MEGF11: variants seen among roughly 807,000 people sequenced by gnomAD.
The protein encoded by MEGF11 is multiple EGF like domains 11.
Under a neutral mutation model 146.6 loss-of-function variants are expected in MEGF11, and 126 were observed. The ratio of observed to expected loss-of-function variants is 0.86; its 90% CI spans 0.74 to 1.00. MEGF11 has a LOEUF of 1.00. MEGF11 is among the 50% of genes least tolerant of loss of function. The pLI, the probability that MEGF11 is intolerant of heterozygous loss-of-function variation, is 0.00. For synonymous variants in MEGF11, 532 were observed against 583.4 expected (o/e 0.91, Z 1.27); for missense variants, 1,509 against 1,521.2 (o/e 0.99, Z 0.13).
At chr15:65,933,057 G>A (rs1258000753) in intron 10 of MEGF11, among the ~76,000 whole-genome samples, 6 of 152,112 alleles carry the variant, frequency 3.9e-5, no homozygotes, top group Non-Finnish European at 7.4e-5. Flanking sequence ...AGAGAGAACC[G>A]AGGGTGTGGG....
rs1298924033 is a variant in MEGF11, at chr15:65,913,876, G to A, written c.2571C>T (p.Leu857=). Residue 857 remains leucine (L), a synonymous_variant, in exon 20 of 26, where the codon CTC becomes CTT. Coordinates refer to ENST00000395614, the MANE Select transcript of MEGF11 (RefSeq NM_001385028.1). ...HSVGAVTGIM[L]LLFLIVVLLG... ...GCAGCACCACAATGAGGAATAACAG[G>A]AGCATGATGCCTGTGACAGCACCCA... 8.7e-6 allele frequency: 14 copies of A among 1,614,016 alleles called. No individual in the cohort carries two copies. The highest frequency in any genetic ancestry group is 1.2e-5 in the Non-Finnish European group (14 of 1,179,894).
intron 12 of MEGF11, 46 bp from the exon 13 acceptor site, chr15:65,928,573 A>G: frequency 5.9e-6 from 8 of 1,350,168 alleles, no homozygotes; most frequent in Non-Finnish European, 7.3e-6. Context: ...CCAAACCTCC[A>G]GAGGTTTGTG....
chr15:65,909,684 GGAA>G lies in MEGF11; in HGVS notation c.2896+53_2896+55del, dbSNP rs1410896111. The G allele has an allele frequency of 2.1e-5, 31 of 1,478,042 alleles. No homozygotes were observed. In the African/African-American group the frequency reaches 3.9e-4, roughly 19 times the overall value. The allele number at this position is 1,478,042 out of a possible 1,614,324, so 91.6% of individuals were successfully genotyped here. On this transcript the variant is annotated intron_variant, in intron 22 of 25. Coordinates refer to ENST00000395614, the MANE Select transcript of MEGF11 (RefSeq NM_001385028.1). ...CTTCAAGCTGGGTGCTTCTCAATAT[GGAA>G]GAAGAATAGGGTGGGACATGATGGT... is the stretch of plus-strand genomic sequence containing the variant.
At chr15:65,941,415 T>G (rs1266170195) in intron 10 of MEGF11, among the ~76,000 whole-genome samples, 1 of 151,670 alleles carries the variant, frequency 6.6e-6, no homozygotes, top group African/African-American at 2.4e-5. Context: ...TCCACTGCAC[T>G]CCAGCTTGGG....
At chr15:66,024,336 A>G (rs2140195479) in intron 5 of MEGF11, among the ~76,000 whole-genome samples, 1 of 152,334 alleles carries the variant, frequency 6.6e-6, no homozygotes, top group East Asian at 1.9e-4. Context: ...GCGCCCACAC[A>G]TTCTCTCAGC....
chr15:66,214,686 C>T (rs2140140714), intron 1 of MEGF11, among the ~76,000 whole-genome samples: 1 of 152,206 alleles, frequency 6.6e-6, no homozygotes, highest in South Asian at 2.1e-4. Context: ...ACACACCCTC[C>T]TTCTCACTGC....
intron 5 of MEGF11, among the ~76,000 whole-genome samples, chr15:66,067,683 C>A (rs1030341512): frequency 6.6e-6 from 1 of 152,190 alleles, no homozygotes; most frequent in African/African-American, 2.4e-5. Context: ...TTTTATGGCT[C>A]CCATAAGCAC....
At chr15:66,107,060 C>G (rs549953582) in intron 4 of MEGF11, among the ~76,000 whole-genome samples, 3 of 150,730 alleles carry the variant, frequency 2.0e-5, no homozygotes, top group African/African-American at 7.4e-5. Context: ...TCCTACCCCC[C>G]CACCAGGTAT....
chr15:65,970,525 C>T (rs764394155), intron 8 of MEGF11, 28 bp downstream of exon 8: 24 of 1,604,764 alleles, frequency 1.5e-5, no homozygotes, highest in Non-Finnish European at 1.9e-5. Context: ...AAATGGACAG[C>T]AAAGATAACA....
intron 5 of MEGF11, among the ~76,000 whole-genome samples, chr15:66,058,726 G>A (rs2084780282): frequency 6.6e-6 from 1 of 152,144 alleles, no homozygotes; most frequent in South Asian, 2.1e-4. Context: ...TCTTCGGGGT[G>A]GCCCTATTCC....
intron 15 of MEGF11, 72 bp downstream of exon 15, chr15:65,922,266 C>T (rs2414896): frequency 3.9e-6 from 6 of 1,548,900 alleles, no homozygotes; most frequent in African/African-American, 2.7e-5. Context: ...TCCCCAAGCC[C>T]TTCCTTCCCT....
At chr15:66,046,025 C>T (rs1045242270) in intron 5 of MEGF11, among the ~76,000 whole-genome samples, 1 of 152,108 alleles carries the variant, frequency 6.6e-6, no homozygotes, top group Non-Finnish European at 1.5e-5. Flanking sequence ...ATTGCTTGAA[C>T]CTGGGAGGCG....
intron 4 of MEGF11, among the ~76,000 whole-genome samples, chr15:66,096,892 C>T (rs1241965756): frequency 1.3e-5 from 2 of 152,164 alleles, no homozygotes; most frequent in African/African-American, 4.8e-5. Context: ...TTCCCAAAGC[C>T]CCAGAGACCA....
chr15:66,211,902 A>G (rs2091465044), intron 1 of MEGF11, among the ~76,000 whole-genome samples: 1 of 151,922 alleles, frequency 6.6e-6, no homozygotes, highest in African/African-American at 2.4e-5. Context: ...TCACTACCCT[A>G]AGGACCCAAA....
chr15:66,034,517 T>G (rs2083651736), intron 5 of MEGF11, among the ~76,000 whole-genome samples: 1 of 152,020 alleles, frequency 6.6e-6, no homozygotes, highest in Non-Finnish European at 1.5e-5. Context: ...TCTCCCAGGC[T>G]CAATTGATCC....
chr15:66,161,718 G>A (rs2141078049), intron 1 of MEGF11, among the ~76,000 whole-genome samples: 1 of 152,242 alleles, frequency 6.6e-6, no homozygotes, highest in Admixed American at 6.5e-5. Context: ...TAATGAATAT[G>A]ATTTAAGTGA....
At chr15:66,123,015 C>T (rs1400737139) in intron 3 of MEGF11, among the ~76,000 whole-genome samples, 2 of 152,226 alleles carry the variant, frequency 1.3e-5, no homozygotes, top group East Asian at 3.9e-4. Flanking sequence ...GTTCTCCTGA[C>T]CTTGTGATAC....
intron 24 of MEGF11, chr15:65,902,059 C>T (rs2078508808): frequency 6.6e-6 from 1 of 152,264 alleles, no homozygotes. Context: ...TTACCCTTAA[C>T]AAGGAATGTC....
At chr15:66,186,429 G>T (rs1342565510) in intron 1 of MEGF11, among the ~76,000 whole-genome samples, 2 of 152,200 alleles carry the variant, frequency 1.3e-5, no homozygotes, top group Admixed American at 6.5e-5. Context: ...ATTGGAATTT[G>T]CCCTGTGGGG....
Sources: gnomAD v4.1 joint callset for allele counts (sites outside exome capture counted in the v4.1 genomes callset) on GRCh38, gnomAD v4.1.1 for gene constraint, MANE v1.5 for transcripts, NCBI Gene and HGNC (gene_info 2026-07-23, HGNC 2026-07-21) for gene names.